Variants in WWOX observed in about 807,000 individuals in gnomAD.
WWOX encodes WW domain containing oxidoreductase.
A neutral mutation model predicts 46.2 loss-of-function variants in WWOX; 69 were observed. The observed-to-expected ratio is 1.49, with a 90% confidence interval of 1.23 to 1.82. The LOEUF is 1.82. Ranked by LOEUF, WWOX falls within the 40% of genes most tolerant of loss-of-function variation. WWOX has a pLI of 0.00. For synonymous variants in WWOX, 359 were observed against 202.6 expected, an observed-to-expected ratio of 1.77 and a Z score of -6.56; for missense variants, 919 against 542.6, an observed-to-expected ratio of 1.69 and a Z score of -6.89.
intron 8 of WWOX, among the ~76,000 whole-genome samples, chr16:78,589,340 C>T (rs971264855): frequency 2.0e-5 from 3 of 152,190 alleles, no homozygotes; most frequent in African/African-American, 2.4e-5. Flanking sequence ...GGACACATGC[C>T]AGCCAGGTTA....
chr16:78,737,067 G>C (rs8050945), intron 8 of WWOX, among the ~76,000 whole-genome samples: 22,787 of 151,624 alleles, frequency 0.15, 2,059 homozygotes, highest in African/African-American at 0.25. Context: ...TTTTTTGGTC[G>C]TTCCTTGCTC....
At chr16:78,326,750 T>G (rs368828507) in intron 5 of WWOX, among the ~76,000 whole-genome samples, 1 of 152,242 alleles carries the variant, frequency 6.6e-6, no homozygotes, top group African/African-American at 2.4e-5. Context: ...CTTAATTGTT[T>G]CATTTAGACA....
At chr16:78,311,976 G>T (rs2080253389) in intron 5 of WWOX, among the ~76,000 whole-genome samples, 1 of 152,042 alleles carries the variant, frequency 6.6e-6, no homozygotes, top group Non-Finnish European at 1.5e-5. Flanking sequence ...ACATTTCCTG[G>T]CCTTTTCCAC....
intron 8 of WWOX, among the ~76,000 whole-genome samples, chr16:79,140,641 A>C (rs1567577410): frequency 6.6e-6 from 1 of 152,220 alleles, no homozygotes; most frequent in Non-Finnish European, 1.5e-5. Flanking sequence ...AAGAAGCAAG[A>C]AGCGCTGCTC....
chr16:78,101,346 C>CTTTTTTTTTTTTTTTTTTTTTTTTTTTT (rs71137871), intron 1 of WWOX, among the ~76,000 whole-genome samples: 1 of 66,850 alleles, frequency 1.5e-5, no homozygotes, highest in African/African-American at 4.5e-5. Flanking sequence ...CGCTCCCGGC[C>CTTTTTTTTTTTTTTTTTTTTTTTTTTTT]TTTTTTTTTT....
At chr16:78,708,382 T>C (rs1183900390) in intron 8 of WWOX, among the ~76,000 whole-genome samples, 2 of 152,202 alleles carry the variant, frequency 1.3e-5, no homozygotes, top group African/African-American at 2.4e-5. Flanking sequence ...GTGTTTTTAT[T>C]TGCTAGACGT....
chr16:78,825,771 A>G, intron 8 of WWOX: 4 of 592,530 alleles, frequency 6.8e-6, no homozygotes, highest in Non-Finnish European at 9.5e-6. Context: ...CATGTTAACT[A>G]GTACATTGAT....
At chr16:78,671,484 C>T (rs1022791697) in intron 8 of WWOX, among the ~76,000 whole-genome samples, 2 of 152,062 alleles carry the variant, frequency 1.3e-5, no homozygotes, top group Admixed American at 6.6e-5. Flanking sequence ...TTGCCTGTGG[C>T]CCTAGGAAAC....
chr16:78,868,658 C>T (rs1478681951), intron 8 of WWOX, among the ~76,000 whole-genome samples: 1 of 152,056 alleles, frequency 6.6e-6, no homozygotes, highest in African/African-American at 2.4e-5. Context: ...ACTATCTGTC[C>T]AACAGTTTAG....
intron 8 of WWOX, among the ~76,000 whole-genome samples, chr16:78,811,560 G>A (rs1430456066): frequency 1.3e-5 from 2 of 150,086 alleles, no homozygotes; most frequent in Admixed American, 6.7e-5. Context: ...TAGGAGAAAC[G>A]GGGTTTCACC....
At chr16:78,513,755 G>C (rs951959298) in intron 8 of WWOX, among the ~76,000 whole-genome samples, 1 of 152,182 alleles carries the variant, frequency 6.6e-6, no homozygotes, top group East Asian at 1.9e-4. Context: ...ACCCCTCTAA[G>C]AAGGGGAGCG....
chr16:78,669,479 A>G (rs890269388), intron 8 of WWOX, among the ~76,000 whole-genome samples: 5 of 152,168 alleles, frequency 3.3e-5, no homozygotes, highest in African/African-American at 2.4e-5. Flanking sequence ...CTGTCATCTA[A>G]TGGGTCAAGG....
intron 4 of WWOX, among the ~76,000 whole-genome samples, chr16:78,132,091 C>T (rs1242762899): frequency 6.9e-6 from 1 of 145,516 alleles, no homozygotes; most frequent in Non-Finnish European, 1.5e-5. Context: ...GTGGTGCTAT[C>T]TTGGCTCACT....
At chr16:78,159,138 A>G (rs777348405) in intron 4 of WWOX, among the ~76,000 whole-genome samples, 2 of 151,888 alleles carry the variant, frequency 1.3e-5, no homozygotes, top group African/African-American at 2.4e-5. Flanking sequence ...ATAATATTCC[A>G]TTGTGTGTGT....
At chr16:78,947,381 C>G (rs891306434) in intron 8 of WWOX, among the ~76,000 whole-genome samples, 5 of 151,358 alleles carry the variant, frequency 3.3e-5, no homozygotes, top group Admixed American at 2.0e-4. Flanking sequence ...TCTTCCCCCC[C>G]TTAGCTGTAT....
intron 6 of WWOX, among the ~76,000 whole-genome samples, chr16:78,401,821 TA>T (rs2082420902): frequency 6.6e-6 from 1 of 152,274 alleles, no homozygotes; most frequent in South Asian, 2.1e-4. Flanking sequence ...TGCCTCAGCC[TA>T]CTGAGTAGCT....
At chr16:78,863,237 C>T (rs900157897) in intron 8 of WWOX, among the ~76,000 whole-genome samples, 17 of 152,086 alleles carry the variant, frequency 1.1e-4, no homozygotes, top group Non-Finnish European at 2.5e-4. Flanking sequence ...GGATTACAGG[C>T]GTGAGCCACC....
intron 8 of WWOX, among the ~76,000 whole-genome samples, chr16:78,752,553 G>A (rs1163013691): frequency 6.6e-6 from 1 of 152,170 alleles, no homozygotes; most frequent in East Asian, 1.9e-4. Context: ...TTACAGGTGT[G>A]AGCCACCATG....
At chr16:79,106,566 A>G (rs967731923) in intron 8 of WWOX, 6 of 131,404 alleles carry the variant, frequency 4.6e-5, no homozygotes, top group African/African-American at 1.8e-4. Context: ...CCCTAAAATG[A>G]CTCTTTCTTA....
Sources: allele counts gnomAD v4.1 joint callset (sites outside exome capture counted in the v4.1 genomes callset), GRCh38; gene constraint gnomAD v4.1.1; transcripts MANE v1.5; gene names NCBI Gene and HGNC (gene_info 2026-07-23, HGNC 2026-07-21).